HS3ST1: variants seen among roughly 807,000 people sequenced by gnomAD.
HS3ST1 encodes the protein heparan sulfate-glucosamine 3-sulfotransferase 1, also known as heparan sulfate glucosamine 3-O-sulfotransferase 1.
A neutral mutation model predicts 20.7 loss-of-function variants in HS3ST1; 8 were observed. The ratio of observed to expected loss-of-function variants is 0.39; its 90% confidence interval spans 0.23 to 0.70. The LOEUF is 0.70. Among genes scored for constraint, HS3ST1 ranks in the 30% least tolerant of loss-of-function variants. The probability of loss-of-function intolerance (pLI) is 0.46; values close to 1 mark genes in which losing one functional copy is unlikely to be tolerated. For synonymous variants in HS3ST1, 205 were observed against 190.4 expected (o/e 1.08, Z -0.63); for missense variants, 436 against 423.4 (o/e 1.03, Z -0.26).
upstream of HS3ST1, among the ~76,000 whole-genome samples, chr4:11,431,338 T>C (rs371546751): frequency 2.0e-5 from 3 of 151,678 alleles, no homozygotes; most frequent in Non-Finnish European, 4.4e-5. Context: ...ATAGAGGCTG[T>C]TAGGAGACAC....
chr4:11,417,310 A>G (rs1418743164), intron 1 of HS3ST1, among the ~76,000 whole-genome samples: 1 of 152,080 alleles, frequency 6.6e-6, no homozygotes, highest in East Asian at 1.9e-4. Context: ...ATGGTTTTTC[A>G]CTCCACAATT....
At chr4:11,415,987 G>C (rs1241805693) in intron 1 of HS3ST1, among the ~76,000 whole-genome samples, 2 of 152,150 alleles carry the variant, frequency 1.3e-5, no homozygotes, top group Non-Finnish European at 2.9e-5. Context: ...CAGTACGCCT[G>C]GAAGTGTAAA....
At chr4:11,408,382 A>G (rs1243737249) in intron 1 of HS3ST1, among the ~76,000 whole-genome samples, 1 of 152,164 alleles carries the variant, frequency 6.6e-6, no homozygotes, top group African/African-American at 2.4e-5. Context: ...GGATCCTGGG[A>G]TGATAATTAG....
At chr4:11,433,329 G>A (rs550113904), upstream of HS3ST1, among the ~76,000 whole-genome samples, 11 of 152,292 alleles carry the variant, frequency 7.2e-5, no homozygotes, top group African/African-American at 2.4e-4. Flanking sequence ...GGTAAAGTAT[G>A]CACAGTAAAT....
chr4:11,416,394 T>C (rs1209032186), intron 1 of HS3ST1, among the ~76,000 whole-genome samples: 2 of 152,194 alleles, frequency 1.3e-5, no homozygotes, highest in African/African-American at 4.8e-5. Flanking sequence ...GGTTCTGTCC[T>C]GCTCTCTGGG....
intron 1 of HS3ST1, among the ~76,000 whole-genome samples, chr4:11,419,621 A>G (rs750860589): frequency 2.0e-5 from 3 of 152,220 alleles, no homozygotes; most frequent in Non-Finnish European, 4.4e-5. Flanking sequence ...CTGCACTTGT[A>G]TCCTGGAACT....
In HS3ST1 at chr4:11,415,982, C is replaced by T. The variant is rs575408264; in HGVS notation, c.-109+12717G>A. 2.0e-5 allele frequency among the ~76,000 whole-genome samples: 3 copies of T among 152,212 alleles called. No individual in the cohort carries two copies. The South Asian group carries it at 6.2e-4, about 32-fold the overall frequency. On this transcript the variant is annotated intron_variant, in intron 1 of 1. Coordinates refer to ENST00000002596, the MANE Select transcript of HS3ST1 (RefSeq NM_005114.4). Reference sequence around the variant, plus strand: ...CCGGCAGGAGCAGGCTGCTCCAGTACGCCTGGAAGTGTAAAAACATTCCTA... The same window carrying T: ...CCGGCAGGAGCAGGCTGCTCCAGTATGCCTGGAAGTGTAAAAACATTCCTA...
chr4:11,413,448 C>T (rs1437605088), intron 1 of HS3ST1, among the ~76,000 whole-genome samples: 2 of 152,126 alleles, frequency 1.3e-5, no homozygotes, highest in Non-Finnish European at 2.9e-5. Flanking sequence ...GTTTGTGCCA[C>T]ATATGACACT....
At chr4:11,402,403 A>AT in intron 1 of HS3ST1, among the ~76,000 whole-genome samples, 1 of 152,232 alleles carries the variant, frequency 6.6e-6, no homozygotes, top group African/African-American at 2.4e-5. Context: ...TAACAGGCCA[A>AT]TTTTTTTAGT....
At position 11,397,258 on chromosome 4, in the gene HS3ST1, C is replaced by T. The variant is rs1528081; in HGVS notation, c.*1824G>A. On this transcript the variant is annotated 3_prime_UTR_variant, in exon 2 of 2. Transcript: ENST00000002596. ...GGAGATGATGGCTTAATGACAACTT[C>T]AATGGATTCTAAAGAGGAAGGCATC... 0.95 allele frequency: 145,525 copies of T among 152,408 alleles called. 69,516 individuals carry two copies. Among genetic ancestry groups the T allele is most frequent in the Admixed American group, 0.97 (14,838 of 15,300 alleles). The allele number at this position is 152,408 out of a possible 1,614,324, so 9.4% of individuals were successfully genotyped here.
chr4:11,416,747 C>G (rs1718792846), intron 1 of HS3ST1, among the ~76,000 whole-genome samples: 1 of 152,222 alleles, frequency 6.6e-6, no homozygotes. Context: ...ATCAGTTCCC[C>G]TTGCTTTTGC....
intron 1 of HS3ST1, among the ~76,000 whole-genome samples, chr4:11,412,380 C>T (rs113579061): frequency 1.2e-4 from 18 of 152,246 alleles, no homozygotes; most frequent in African/African-American, 1.9e-4. Context: ...GAGAAACATA[C>T]GGGTTGATCA....
intron 1 of HS3ST1, among the ~76,000 whole-genome samples, chr4:11,408,489 C>G (rs1718529996): frequency 6.6e-6 from 1 of 152,206 alleles, no homozygotes; most frequent in Admixed American, 6.5e-5. Context: ...TAATTTAGCT[C>G]TCTGTAGAAG....
In HS3ST1 at chr4:11,400,068, G is replaced by T. The variant is rs1032625741; in HGVS notation, c.-63C>A. On this transcript the variant is annotated 5_prime_UTR_variant, in exon 2 of 2. Coordinates refer to ENST00000002596, the MANE Select transcript of HS3ST1 (RefSeq NM_005114.4). ...CTGGGTCATGAAGTGCCGCAGCAGG[G>T]AAGCCTCCTAGTCAGTGGCACATGG... 1.5e-5 allele frequency: 22 copies of T among 1,436,884 alleles called. No individual in the cohort carries two copies. The highest frequency in any genetic ancestry group is 1.8e-5 in the Non-Finnish European group (20 of 1,099,418). 89.0% of individuals were successfully genotyped at this position (1,436,884 alleles called of 1,614,324 possible). A position where few individuals can be genotyped will look rare whatever the true frequency, so the allele number is the denominator to read the frequency against.
chr4:11,402,351 G>A (rs187263455), intron 1 of HS3ST1, among the ~76,000 whole-genome samples: 68 of 152,310 alleles, frequency 4.5e-4, no homozygotes, highest in Non-Finnish European at 6.9e-4. Flanking sequence ...AGCCAAGAAC[G>A]ATGAGGTTTC....
In HS3ST1 at chr4:11,397,028, T is replaced by C. The variant is rs1446727844; in HGVS notation, c.*2054A>G. On this transcript the variant is annotated 3_prime_UTR_variant, in exon 2 of 2. Coordinates refer to ENST00000002596, the MANE Select transcript of HS3ST1 (RefSeq NM_005114.4). ...CATCTTCTTCAGTCAGAGACTCTCA[T>C]TGCAGTTTCCTTTCAGTCACCATAT... The C allele has an allele frequency of 6.6e-6, 1 of 152,278 alleles. No individual in the cohort carries two copies. The highest frequency in any genetic ancestry group is 1.5e-5 in the Non-Finnish European group (1 of 68,074). The allele number at this position is 152,278 out of a possible 1,614,324, so 9.4% of individuals were successfully genotyped here.
chr4:11,433,151 T>C (rs1307650652), upstream of HS3ST1, among the ~76,000 whole-genome samples: 1 of 152,216 alleles, frequency 6.6e-6, no homozygotes, highest in Non-Finnish European at 1.5e-5. Context: ...TATTTAAATA[T>C]CTTCTTTAAT....
intron 1 of HS3ST1, among the ~76,000 whole-genome samples, chr4:11,421,233 A>G (rs1203380038): frequency 6.6e-6 from 1 of 152,334 alleles, no homozygotes; most frequent in African/African-American, 2.4e-5. Context: ...ACTCAGAGTG[A>G]CACAACTAGT....
Position 11,398,996 on chromosome 4 carries a change from T to G in HS3ST1, c.*86A>C. ...ATGGATTTTACAAATAAATTATACCTTAAATGCTTTTTTAAAATTCTTTTT... is the reference window on the plus strand; with the variant it reads ...ATGGATTTTACAAATAAATTATACCGTAAATGCTTTTTTAAAATTCTTTTT... On this transcript the variant is annotated 3_prime_UTR_variant, in exon 2 of 2. Transcript: ENST00000002596. The G allele has an allele frequency of 8.3e-7, 1 of 1,202,928 alleles. No homozygotes were observed. Among genetic ancestry groups the G allele is most frequent in the Non-Finnish European group, 1.2e-6 (1 of 856,894 alleles). 74.5% of individuals were successfully genotyped at this position (1,202,928 alleles called of 1,614,324 possible).
Sources: allele counts gnomAD v4.1 joint callset (sites outside exome capture counted in the v4.1 genomes callset), GRCh38; gene constraint gnomAD v4.1.1; transcripts MANE v1.5; gene names NCBI Gene and HGNC (gene_info 2026-07-23, HGNC 2026-07-21).